DLGAP5: variants seen among roughly 807,000 people sequenced by gnomAD.
The protein encoded by DLGAP5 is DLG associated protein 5, also known as disks large-associated protein 5.
DLGAP5 carries 90 observed loss-of-function variants against 99.6 expected under a neutral mutation model. The ratio of observed to expected loss-of-function variants is 0.90; its 90% CI spans 0.76 to 1.08. The LOEUF is 1.08. Ranked by LOEUF, DLGAP5 falls within the 50% of genes least tolerant of loss-of-function variation. The probability of loss-of-function intolerance (pLI) is 0.00; values close to 1 mark genes in which losing one functional copy is unlikely to be tolerated. For synonymous variants in DLGAP5, 311 were observed against 321.3 expected (o/e 0.97, Z 0.34); for missense variants, 1,036 against 983.5 (o/e 1.05, Z -0.71).
rs186956434 is a variant in DLGAP5, at chr14:55,160,443, T to A, written c.1654-1702A>T. Among the ~76,000 whole-genome samples, 1,181 of 151,762 alleles carry A rather than the reference T, an allele frequency of 7.8e-3. 49 individuals are homozygous for A. The highest frequency in any genetic ancestry group is 2.1e-3 in the Non-Finnish European group (143 of 67,906). On this transcript the variant is annotated intron_variant, in intron 13 of 18. Coordinates refer to ENST00000247191, the MANE Select transcript of DLGAP5 (RefSeq NM_014750.5). Reference sequence around the variant, plus strand: ...ATTTAATACTGCAGAAAGGTTAGATTTATTTACTACTTTTTGTTATTTTTG... The same window carrying A: ...ATTTAATACTGCAGAAAGGTTAGATATATTTACTACTTTTTGTTATTTTTG...
intron 1 of DLGAP5, among the ~76,000 whole-genome samples, chr14:55,190,315 C>CACACACAT (rs1481817567): frequency 6.6e-6 from 1 of 150,474 alleles, no homozygotes; most frequent in African/African-American, 2.5e-5. Context: ...CACACACACA[C>CACACACAT]GCACAAAATC....
chr14:55,157,371 T>C (rs2140307526), intron 14 of DLGAP5, among the ~76,000 whole-genome samples: 2 of 152,146 alleles, frequency 1.3e-5, no homozygotes, highest in South Asian at 2.1e-4. Flanking sequence ...ATCCAGGGAG[T>C]GTAGCTGCTT....
chr14:55,190,289 T>TACACACAC (rs142940996), intron 1 of DLGAP5, among the ~76,000 whole-genome samples: 7,340 of 147,370 alleles, frequency 0.05, 385 homozygotes, highest in African/African-American at 0.13. Flanking sequence ...AGAAAAGCCA[T>TACACACAC]ACACACACAC....
At chr14:55,181,149 C>A (rs1244776000) in intron 5 of DLGAP5, 64 bp downstream of exon 5, 13 of 1,458,060 alleles carry the variant, frequency 8.9e-6, no homozygotes, top group Non-Finnish European at 1.2e-5. Context: ...ACCTTCAAGA[C>A]ACTTAAAAAA....
At chr14:55,172,926 G>A (rs1465224892) in intron 10 of DLGAP5, among the ~76,000 whole-genome samples, 3 of 134,654 alleles carry the variant, frequency 2.2e-5, no homozygotes, top group Non-Finnish European at 4.5e-5. Flanking sequence ...AGGTTGCAAA[G>A]AGCCAAGATC....
intron 5 of DLGAP5, 125 bp from the exon 6 acceptor site, chr14:55,180,903 G>A: frequency 7.8e-7 from 1 of 1,276,592 alleles, no homozygotes; most frequent in Non-Finnish European, 1.1e-6. Flanking sequence ...GATTACTTCA[G>A]CCCAGGAGTT....
chr14:55,175,261 A>C, intron 10 of DLGAP5, 85 bp downstream of exon 10: 1 of 1,257,802 alleles, frequency 8.0e-7, no homozygotes, highest in African/African-American at 1.6e-5. Flanking sequence ...TTCCCCCACT[A>C]TATTAAGGTT....
In DLGAP5 at chr14:55,154,732, T is replaced by C; in HGVS notation, c.1948A>G (p.Ser650Gly). 6.2e-7 allele frequency: 1 copy of C among 1,614,154 alleles called. No homozygotes were observed. Among genetic ancestry groups the C allele is most frequent in the African/African-American group, 1.3e-5 (1 of 75,066 alleles). Residue 650 changes from serine to glycine, a missense_variant, in exon 15 of 19, where the codon AGT (serine) becomes GGT (glycine). Ser to Gly is a moderately conservative substitution (Grantham distance 56). Transcript: ENST00000247191. ...TGTGGAATGCCCATCTCATTTCTACTCTGAGATACAGCTTTGTTGACAGAC... is the reference window on the plus strand; with the variant it reads ...TGTGGAATGCCCATCTCATTTCTACCCTGAGATACAGCTTTGTTGACAGAC... Reference protein sequence around the residue: ...PKSVNKAVSQSRNEMGIPQQT... With the variant: ...PKSVNKAVSQGRNEMGIPQQT...
chr14:55,161,394 T>A (rs996200763), intron 13 of DLGAP5, among the ~76,000 whole-genome samples: 1 of 140,164 alleles, frequency 7.1e-6, no homozygotes, highest in African/African-American at 2.7e-5. Context: ...TGAGACTTTA[T>A]TAGTAAAAAA....
chr14:55,180,972 C>G (rs902568225), intron 5 of DLGAP5, among the ~76,000 whole-genome samples, 194 bp from the exon 6 acceptor site: 1 of 152,042 alleles, frequency 6.6e-6, no homozygotes, highest in Non-Finnish European at 1.5e-5. Flanking sequence ...TAAAAATCAG[C>G]TGGGCATGGT....
At position 55,181,260 on chromosome 14, in the gene DLGAP5, C is replaced by A. The variant is rs761587332; in HGVS notation, c.533G>T (p.Gly178Val). Residue 178 changes from glycine (G) to valine (V), a missense_variant, in exon 5 of 19, where the codon GGT becomes GTT. Transcript: ENST00000247191. ...NESDVRAIRP[G>V]PRQTSEKKVS... ...TTTCTTTTCAGAAGTTTGTCTTGGACCAGGTCGGATTGCTCGAACATCACT... is the reference window on the plus strand; with the variant it reads ...TTTCTTTTCAGAAGTTTGTCTTGGAACAGGTCGGATTGCTCGAACATCACT... 3.8e-5 allele frequency: 61 copies of A among 1,613,904 alleles called. No individual in the cohort carries two copies. In the South Asian group the frequency reaches 6.4e-4, roughly 17 times the overall value.
chr14:55,158,760 A>G lies in DLGAP5; in HGVS notation c.1654-19T>C. The G allele has an allele frequency of 6.3e-7, 1 of 1,578,590 alleles. No homozygotes were observed. Among genetic ancestry groups the G allele is most frequent in the Non-Finnish European group, 8.7e-7 (1 of 1,149,356 alleles). ...CTTTTTTCTGCAAAGAGAAACTAAC[A>G]TAGTAAAGCTGCCCATTACCATCTT... On this transcript the variant is annotated intron_variant, in intron 13 of 18. Transcript: ENST00000247191.
rs1293044216 is a variant in DLGAP5 at position 55,176,129 on chromosome 14, T to A, written c.1050-111A>T. 4.0e-6 allele frequency: 4 copies of A among 1,002,262 alleles called. No individual in the cohort carries two copies. In the African/African-American group the frequency reaches 6.4e-5, roughly 16 times the overall value. The allele number at this position is 1,002,262 out of a possible 1,614,324, so 62.1% of individuals were successfully genotyped here. ...ATCTGGGCTAAAATAGAAATGTTTC[T>A]ATTTTTTTAAAATGTGTATTCTGGA... is the stretch of plus-strand genomic sequence containing the variant. On this transcript the variant is annotated intron_variant, in intron 8 of 18. Transcript: ENST00000247191.
chr14:55,162,932 TAAAAA>T (rs752014944), intron 13 of DLGAP5, 34 bp downstream of exon 13: 4 of 962,052 alleles, frequency 4.2e-6, no homozygotes, highest in African/African-American at 3.5e-5. Flanking sequence ...GTTCCTTAAC[TAAAAA>T]AAAAAAAATT....
At chr14:55,173,996 T>C (rs1262964080) in intron 10 of DLGAP5, among the ~76,000 whole-genome samples, 1 of 152,204 alleles carries the variant, frequency 6.6e-6, no homozygotes, top group Non-Finnish European at 1.5e-5. Flanking sequence ...ACAGCGATTG[T>C]TCAGGGAATA....
intron 10 of DLGAP5, among the ~76,000 whole-genome samples, chr14:55,173,911 T>C (rs930712508): frequency 4.6e-5 from 7 of 152,274 alleles, no homozygotes; most frequent in Non-Finnish European, 1.0e-4. Context: ...CTGTAATAAC[T>C]GTATTAACTG....
intron 2 of DLGAP5, among the ~76,000 whole-genome samples, chr14:55,187,520 T>C (rs572254053): frequency 6.6e-6 from 1 of 152,264 alleles, no homozygotes; most frequent in South Asian, 2.1e-4. Context: ...GGTTTCACCA[T>C]GTTGGTCAGG....
In DLGAP5 at chr14:55,189,034, T is replaced by A. The variant is rs1451886728; in HGVS notation, c.146A>T (p.Asp49Val). The A allele has an allele frequency of 2.5e-6, 4 of 1,613,992 alleles. No homozygotes were observed. The highest frequency in any genetic ancestry group is 3.4e-6 in the Non-Finnish European group (4 of 1,179,970). Residue 49 changes from aspartate (D) to valine (V), a missense_variant, in exon 2 of 19, where the codon GAT (aspartate) becomes GTT (valine). Physicochemically the swap from Asp to Val is radical, Grantham distance 152. Transcript: ENST00000247191. ...ACCTTCCAAGGTTGGAATGTTTACA[T>A]CTTTCAAACCAAAGTGTCTATTTCG... ...YERNRHFGLK[D>V]VNIPTLEGRI... is the part of the protein sequence containing the mutation.
At chr14:55,151,641 T>G in intron 17 of DLGAP5, 54 bp downstream of exon 17, 1 of 1,550,682 alleles carries the variant, frequency 6.4e-7, no homozygotes, top group South Asian at 1.2e-5. Context: ...TATACCTTAA[T>G]CCAAGTTCAT....
Sources: allele counts gnomAD v4.1 joint callset (sites outside exome capture counted in the v4.1 genomes callset), GRCh38; gene constraint gnomAD v4.1.1; transcripts MANE v1.5; gene names NCBI Gene and HGNC (gene_info 2026-07-23, HGNC 2026-07-21).